ZAN: variants seen among roughly 807,000 people sequenced by gnomAD.
ZAN encodes zonadhesin.
ZAN carries 260 observed loss-of-function variants against 286.2 expected under a neutral mutation model. That is an observed-to-expected ratio of 0.91 (90% CI 0.82 to 1.01). ZAN has a LOEUF of 1.01. Among genes scored for constraint, ZAN ranks in the 50% least tolerant of loss-of-function variants. The probability of loss-of-function intolerance (pLI) is 0.00; values close to 1 mark genes in which losing one functional copy is unlikely to be tolerated. For synonymous variants in ZAN, 1,368 were observed against 1,417.5 expected, an observed-to-expected ratio of 0.97 and a Z score of 0.79; for missense variants, 3,410 against 3,639.2, an observed-to-expected ratio of 0.94 and a Z score of 1.62.
At chr7:100,748,024 G>T (rs1394612108) in intron 9 of ZAN, 113 bp from the exon 10 acceptor site, 5 of 822,846 alleles carry the variant, frequency 6.1e-6, no homozygotes, top group African/African-American at 5.2e-5. Context: ...CTGAATTGAG[G>T]GTCTGGGCAC....
chr7:100,735,894 C>T, intron 3 of ZAN, 122 bp downstream of exon 3: 1 of 773,630 alleles, frequency 1.3e-6, no homozygotes, highest in Admixed American at 2.7e-5. Flanking sequence ...CTCCGGGCAT[C>T]AGCCAGGACT....
At chr7:100,775,896 G>C in intron 33 of ZAN, 63 bp downstream of exon 33, 1 of 1,583,454 alleles carries the variant, frequency 6.3e-7, no homozygotes, top group Non-Finnish European at 8.6e-7. Flanking sequence ...GTGGCCGGCA[G>C]GGATGGGGGG....
chr7:100,755,861 C>T lies in ZAN; in HGVS notation c.3309+451C>T, dbSNP rs952652709. Among the ~76,000 whole-genome samples, 3 of 152,118 alleles carry T rather than the reference C, an allele frequency of 2.0e-5. 1 individual carries two copies. The highest frequency in any genetic ancestry group is 3.9e-4 in the East Asian group (2 of 5,194). On this transcript the variant is annotated intron_variant, in intron 15 of 47. Coordinates refer to ENST00000613979, the MANE Select transcript of ZAN (RefSeq NM_003386.3). Reference sequence around the variant, plus strand: ...TGCTGGGATTATAGGCATAAGTCACCGTGTCTGGCTGGGCACATTTCTTTT... The same window carrying T: ...TGCTGGGATTATAGGCATAAGTCACTGTGTCTGGCTGGGCACATTTCTTTT...
Position 100,775,450 on chromosome 7 carries a change from C to T in ZAN, c.5902C>T (p.Pro1968Ser). The part of the protein sequence containing the change: ...VKVCHPAMAL[P>S]FFKISAKHEK... The stretch of plus-strand genomic sequence containing the variant: ...AGTGTGCCACCCCGCCATGGCCTTG[C>T]CCTTCTTCAAGATCAGTGCCAAGCA... The change falls in exon 32 of 48, where the codon CCC becomes TCC. Residue 1968 changes from proline to serine, a missense_variant. Pro to Ser is a moderately conservative substitution (Grantham distance 74, BLOSUM62 -1). Coordinates refer to ENST00000613979, the MANE Select transcript of ZAN (RefSeq NM_003386.3). The T allele has an allele frequency of 6.2e-7, 1 of 1,613,934 alleles. No homozygotes were observed. The highest frequency in any genetic ancestry group is 8.5e-7 in the Non-Finnish European group (1 of 1,179,892).
At chr7:100,781,100 G>A (rs192941647) in intron 35 of ZAN, among the ~76,000 whole-genome samples, 66 of 151,784 alleles carry the variant, frequency 4.3e-4, no homozygotes, top group African/African-American at 1.6e-3. Context: ...ACAGAATCTC[G>A]CTCTGTCACC....
Position 100,736,489 on chromosome 7 carries a change from T to G in ZAN, c.113T>G (p.Leu38Arg). 1.3e-6 allele frequency: 2 copies of G among 1,524,034 alleles called. No individual in the cohort carries two copies. The highest frequency in any genetic ancestry group is 2.3e-5 in the South Asian group (2 of 88,848). The allele number at this position is 1,524,034 out of a possible 1,614,324, so 94.4% of individuals were successfully genotyped here. The change falls in exon 4 of 48, where the codon CTC becomes CGC. Residue 38 changes from leucine to arginine, a missense_variant. Leu to Arg is a moderately radical substitution (Grantham distance 102). Coordinates refer to ENST00000613979, the MANE Select transcript of ZAN (RefSeq NM_003386.3). Reference sequence around the variant, plus strand: ...TGTGACCCATTCTTCCTAGATGTCCTCACCCAGTGTGATTTTGAGGATGAC... The same window carrying G: ...TGTGACCCATTCTTCCTAGATGTCCGCACCCAGTGTGATTTTGAGGATGAC... The part of the protein sequence containing the change: ...VVRSSRDNYV[L>R]TQCDFEDDAK...
rs1340988117 is a variant in ZAN at position 100,742,794 on chromosome 7, G to A, written c.767-3744G>A. Among the ~76,000 whole-genome samples, 10 of 46,324 alleles carry A rather than the reference G, an allele frequency of 2.2e-4. 1 individual carries two copies. The highest frequency in any genetic ancestry group is 4.7e-4 in the Non-Finnish European group (10 of 21,244). The allele number at this position is 46,324 out of a possible 152,430, so 30.4% of individuals were successfully genotyped here. A position where few individuals can be genotyped will look rare whatever the true frequency, so the allele number is the denominator to read the frequency against. On this transcript the variant is annotated intron_variant, in intron 7 of 47. Coordinates refer to ENST00000613979, the MANE Select transcript of ZAN (RefSeq NM_003386.3). ...TCAGGCAGGGAGGTTGCAGTGAGCC[G>A]AGATGGCAGCAGTACAGTCCAGCTT...
rs1310753502 is a variant in ZAN, at chr7:100,764,119, C to T, written c.4190C>T (p.Thr1397Ile). Residue 1397 changes from threonine (T) to isoleucine (I), a missense_variant, in exon 22 of 48, where the codon ACA (threonine) becomes ATA (isoleucine). By Grantham distance (89) the Thr-to-Ile change is moderately conservative. Transcript: ENST00000613979. ...GFQGLQHLLC[T>I]HMSTMTTTCQ... The stretch of plus-strand genomic sequence containing the variant: ...CAGGGGCTGCAGCACCTGCTGTGCA[C>T]ACACATGTCCACCATGACCACCACC... 6.2e-7 allele frequency: 1 copy of T among 1,612,548 alleles called. No homozygotes were observed. Among genetic ancestry groups the T allele is most frequent in the African/African-American group, 1.3e-5 (1 of 75,036 alleles).
chr7:100,756,391 T>G (rs906192388), intron 15 of ZAN, among the ~76,000 whole-genome samples: 1 of 151,194 alleles, frequency 6.6e-6, no homozygotes, highest in Non-Finnish European at 1.5e-5. Context: ...ATTGTGCCAC[T>G]GCACTCCAGC....
At chr7:100,738,971 C>G (rs1807543344) in intron 7 of ZAN, among the ~76,000 whole-genome samples, 1 of 37,786 alleles carries the variant, frequency 2.6e-5, no homozygotes, top group Non-Finnish European at 5.7e-5. Context: ...CCCTCTCCCT[C>G]TCCCTCTCCC....
At chr7:100,768,823 G>A in intron 27 of ZAN, 102 bp downstream of exon 27, 1 of 915,850 alleles carries the variant, frequency 1.1e-6, no homozygotes. Flanking sequence ...CTCCCTCTGT[G>A]CTGTACCTCC....
At chr7:100,741,100 AG>A (rs1435686249) in intron 7 of ZAN, among the ~76,000 whole-genome samples, 1 of 50,276 alleles carries the variant, frequency 2.0e-5, no homozygotes, top group African/African-American at 6.2e-5. Context: ...CTGGCCGGGC[AG>A]GGGGGCTGAC....
chr7:100,738,108 C>G (rs1175871383), intron 6 of ZAN, among the ~76,000 whole-genome samples: 2 of 139,876 alleles, frequency 1.4e-5, no homozygotes, highest in African/African-American at 5.2e-5. Flanking sequence ...AGGTGCCCAC[C>G]ACCATGCCTG....
At chr7:100,782,192 C>CTT (rs35837366) in intron 35 of ZAN, among the ~76,000 whole-genome samples, 50 of 144,060 alleles carry the variant, frequency 3.5e-4, no homozygotes, top group Middle Eastern at 3.6e-3. Context: ...CATCTTTTGA[C>CTT]TTTTTTTTTT....
rs750223994 is a variant in ZAN, at chr7:100,767,144, G to T, written c.4747G>T (p.Val1583Leu). ...CAGGTCCCAAGACAGCTATTTTGTT[G>T]TGAGCGCCACCAACGAGAACCGCGG... ...WSRSQDSYFVVSATNENRGGI... is the reference protein window; with the variant it reads ...WSRSQDSYFVLSATNENRGGI... The change falls in exon 25 of 48, where the codon GTG becomes TTG. Residue 1583 changes from valine to leucine, a missense_variant. Val to Leu is a conservative substitution (Grantham distance 32). This residue lies in a region of ZAN where 1,042 missense variants were observed against 1,058.0 expected (regional missense o/e 0.98). Transcript: ENST00000613979. The T allele has an allele frequency of 1.2e-6, 2 of 1,613,752 alleles. No homozygotes were observed. The highest frequency in any genetic ancestry group is 2.7e-5 in the African/African-American group (2 of 74,882).
intron 28 of ZAN, 126 bp downstream of exon 28, chr7:100,770,100 GA>G: frequency 1.1e-6 from 1 of 875,356 alleles, no homozygotes; most frequent in Admixed American, 2.5e-5. Context: ...AGGCAAATGG[GA>G]ACACAGGGCC....
In ZAN at chr7:100,742,889, GGGGGACGGGGAC is replaced by G. The variant is rs1562915061; in HGVS notation, c.767-3647_767-3636del. Among the ~76,000 whole-genome samples, 26 of 56,410 alleles carry G rather than the reference GGGGGACGGGGAC, an allele frequency of 4.6e-4. 2 individuals carry two copies. Among genetic ancestry groups the G allele is most frequent in the Middle Eastern group, 5.7e-3 (1 of 174 alleles). The allele number at this position is 56,410 out of a possible 152,430, so 37.0% of individuals were successfully genotyped here. A position where few individuals can be genotyped will look rare whatever the true frequency, so the allele number is the denominator to read the frequency against. ...CGGAGACGAGGGAGAGGGAGGGGGA[GGGGGACGGGGAC>G]GATCTGACTTATTTTTTAAGGATTT... On this transcript the variant is annotated intron_variant, in intron 7 of 47. Transcript: ENST00000613979.
intron 15 of ZAN, among the ~76,000 whole-genome samples, chr7:100,757,687 G>A (rs1294526812): frequency 3.3e-5 from 5 of 151,330 alleles, no homozygotes; most frequent in South Asian, 2.1e-4. Context: ...CGCTGAAGGC[G>A]GAGGTTGCAG....
At chr7:100,747,355 C>T (rs1346675212) in intron 8 of ZAN, among the ~76,000 whole-genome samples, 195 bp from the exon 9 acceptor site, 2 of 152,088 alleles carry the variant, frequency 1.3e-5, no homozygotes, top group East Asian at 3.9e-4. Context: ...CCACTGCACT[C>T]CAGCCTGGGC....
Sources: allele counts gnomAD v4.1 joint callset (sites outside exome capture counted in the v4.1 genomes callset), GRCh38; gene constraint gnomAD v4.1.1; regional missense constraint gnomAD v4.1.1; transcripts MANE v1.5; gene names NCBI Gene and HGNC (gene_info 2026-07-23, HGNC 2026-07-21).